The following PDE8B variants were observed in gnomAD, a reference collection of about 807,000 sequenced individuals.
The protein encoded by PDE8B is phosphodiesterase 8B, also known as high affinity cAMP-specific and IBMX-insensitive 3',5'-cyclic phosphodiesterase 8B.
In PDE8B, 26 loss-of-function variants were observed where a neutral mutation model predicts 101.3. The ratio of observed to expected loss-of-function variants is 0.26; its 90% confidence interval spans 0.19 to 0.36. PDE8B has a LOEUF of 0.36. PDE8B is among the 10% of genes least tolerant of loss of function. PDE8B has a pLI of 1.00. For synonymous variants in PDE8B, 424 were observed against 429.3 expected, an observed-to-expected ratio of 0.99 and a Z score of 0.15; for missense variants, 810 against 1,163.1, an observed-to-expected ratio of 0.70 and a Z score of 4.42.
In PDE8B at chr5:77,211,188, C is replaced by T. The variant is rs780745852; in HGVS notation, c.263C>T (p.Thr88Ile). 1 of 1,553,524 alleles carries T rather than the reference C, an allele frequency of 6.4e-7. No homozygotes were observed. The highest frequency in any genetic ancestry group is 1.8e-5 in the Admixed American group (1 of 54,376). Residue 88 changes from threonine (T) to isoleucine (I), a missense_variant, in exon 1 of 22, where the codon ACC (threonine) becomes ATC (isoleucine). This residue lies in a region of PDE8B where 159 missense variants were observed against 146.6 expected (regional missense o/e 1.08). Transcript: ENST00000264917. The surrounding 1 kb of genome is among the most constrained non-coding windows in gnomAD (Gnocchi z 4.1). ...SSAGSAAPAATTSRGRRRHCC... is the reference protein window; with the variant it reads ...SSAGSAAPAAITSRGRRRHCC... ...GCGGGTTCCGCAGCCCCCGCCGCGA[C>T]CACCAGCAGGGGCCGGAGGCGCCAC...
chr5:77,161,525 A>G, the PDE8B span, among the ~76,000 whole-genome samples: 1 of 152,118 alleles, frequency 6.6e-6, no homozygotes, highest in African/African-American at 2.4e-5. Context: ...GAGGTTTTTC[A>G]GTTTTGGTCT....
chr5:77,154,159 C>T, the PDE8B span, among the ~76,000 whole-genome samples: 2 of 152,194 alleles, frequency 1.3e-5, no homozygotes, highest in Non-Finnish European at 2.9e-5. Context: ...GAAATTCTGA[C>T]TCATTTCTGG....
chr5:77,373,721 T>G (rs964544228), intron 10 of PDE8B, among the ~76,000 whole-genome samples: 10 of 152,258 alleles, frequency 6.6e-5, no homozygotes, highest in African/African-American at 1.9e-4. Context: ...TACCATACAA[T>G]GTATCCATTT....
intron 7 of PDE8B, among the ~76,000 whole-genome samples, chr5:77,346,776 A>G (rs1022447790): frequency 1.1e-4 from 16 of 152,332 alleles, no homozygotes; most frequent in Middle Eastern, 3.4e-3. Flanking sequence ...AGAAAAATGT[A>G]TCAGCAATCT....
chr5:77,312,672 G>A (rs1388619420), intron 2 of PDE8B, among the ~76,000 whole-genome samples: 1 of 152,230 alleles, frequency 6.6e-6, no homozygotes, highest in Non-Finnish European at 1.5e-5. Flanking sequence ...CTGACCCAGT[G>A]TCCTGTCTGC....
the PDE8B span, among the ~76,000 whole-genome samples, chr5:77,160,790 A>G: frequency 6.6e-5 from 10 of 152,088 alleles, no homozygotes; most frequent in African/African-American, 2.4e-4. Context: ...AGCTGGAACT[A>G]CAGAAGTGGG....
the PDE8B span, among the ~76,000 whole-genome samples, chr5:77,129,277 G>T: frequency 6.6e-6 from 1 of 152,054 alleles, no homozygotes. Flanking sequence ...TTTTTCAAAA[G>T]ATTTTATTAT....
At chr5:77,207,108 T>G (rs1382881), upstream of PDE8B, among the ~76,000 whole-genome samples, 141,082 of 152,296 alleles carry the variant, frequency 0.93, 65,520 homozygotes, top group East Asian at 1. Context: ...CACTTATCAG[T>G]TGGTTAGATT....
At chr5:77,305,773 AT>A (rs759059057) in intron 1 of PDE8B, among the ~76,000 whole-genome samples, 5 of 152,222 alleles carry the variant, frequency 3.3e-5, no homozygotes, top group Non-Finnish European at 5.9e-5. Context: ...CTATTTTTAA[AT>A]CAGAGCCAAC....
intron 1 of PDE8B, among the ~76,000 whole-genome samples, chr5:77,225,724 G>A (rs1430423556): frequency 1.3e-5 from 2 of 151,958 alleles, no homozygotes; most frequent in Non-Finnish European, 2.9e-5. Flanking sequence ...TTTAAATTTA[G>A]GACTACAAGC....
chr5:77,325,610 T>C lies in PDE8B; in HGVS notation c.471T>C (p.Tyr157=). 1 of 1,613,904 alleles carries C rather than the reference T, an allele frequency of 6.2e-7. No homozygotes were observed. The highest frequency in any genetic ancestry group is 8.5e-7 in the Non-Finnish European group (1 of 1,179,744). ...GFWWACDRAG[Y]RCNIARTPES... ...GGTGGGCCTGCGACAGAGCTGGTTA[T>C]AGATGCAATATTGCTCGGACTCCAG... Residue 157 remains tyrosine, a synonymous_variant, in exon 3 of 22, where the codon TAT becomes TAC. Transcript: ENST00000264917.
At chr5:77,397,094 A>G (rs1326397081) in intron 10 of PDE8B, among the ~76,000 whole-genome samples, 5 of 127,578 alleles carry the variant, frequency 3.9e-5, no homozygotes, top group East Asian at 2.5e-4. Flanking sequence ...GTACAGTGGC[A>G]TGATCTCGGC....
chr5:77,395,519 CT>C (rs1790861350), intron 10 of PDE8B, among the ~76,000 whole-genome samples: 1 of 150,472 alleles, frequency 6.6e-6, no homozygotes, highest in South Asian at 2.1e-4. Flanking sequence ...AAAAATTTAC[CT>C]TTTAAAATAA....
At chr5:77,326,170 T>C (rs1776020428) in intron 3 of PDE8B, among the ~76,000 whole-genome samples, 1 of 152,228 alleles carries the variant, frequency 6.6e-6, no homozygotes, top group African/African-American at 2.4e-5. Context: ...ATAGCAGGCT[T>C]CCCAGTCATG....
the PDE8B span, among the ~76,000 whole-genome samples, chr5:77,158,970 A>G: frequency 2.0e-5 from 3 of 152,210 alleles, no homozygotes; most frequent in Admixed American, 1.3e-4. Flanking sequence ...GAGCCTGAGC[A>G]TGCAGGTGAG....
chr5:77,318,072 A>AC (rs1774207132), intron 2 of PDE8B, among the ~76,000 whole-genome samples: 1 of 151,350 alleles, frequency 6.6e-6, no homozygotes, highest in Admixed American at 6.6e-5. Context: ...AAAAAAAAAA[A>AC]AAAAACACAA....
chr5:77,155,238 A>G, the PDE8B span, among the ~76,000 whole-genome samples: 1 of 152,312 alleles, frequency 6.6e-6, no homozygotes, highest in South Asian at 2.1e-4. Flanking sequence ...AGGGAGAAAT[A>G]GAGGGAAATC....
At chr5:77,396,542 G>A (rs1186888336) in intron 10 of PDE8B, among the ~76,000 whole-genome samples, 3 of 152,194 alleles carry the variant, frequency 2.0e-5, no homozygotes, top group Non-Finnish European at 4.4e-5. Flanking sequence ...ACTGAGCACA[G>A]CACAGCTACA....
At chr5:77,245,626 G>A (rs1326510055) in intron 1 of PDE8B, among the ~76,000 whole-genome samples, 8 of 152,150 alleles carry the variant, frequency 5.3e-5, no homozygotes, top group African/African-American at 1.9e-4. Context: ...CAGCTTGTGT[G>A]TGTGTGCACA....
Sources: gnomAD v4.1 joint callset for allele counts (sites outside exome capture counted in the v4.1 genomes callset) on GRCh38, gnomAD v4.1.1 for gene constraint, gnomAD v4.1.1 regional missense constraint, Gnocchi (gnomAD v3.1) non-coding constraint, MANE v1.5 for transcripts, NCBI Gene and HGNC (gene_info 2026-07-23, HGNC 2026-07-21) for gene names.